The following CFAP54 variants were observed in gnomAD, a reference collection of about 807,000 sequenced individuals.
CFAP54 encodes the protein cilia- and flagella-associated protein 54.
A neutral mutation model predicts 370.4 loss-of-function variants in CFAP54; 290 were observed. The observed-to-expected ratio is 0.78, with a 90% CI of 0.71 to 0.86. CFAP54 has a LOEUF of 0.86. Ranked by LOEUF, CFAP54 falls within the 40% of genes least tolerant of loss-of-function variation. The pLI is 0.00. For missense variants in CFAP54, 3,399 were observed against 3,528.7 expected (o/e 0.96, Z 0.93); for synonymous variants, 1,206 against 1,236.5 (o/e 0.98, Z 0.52).
At chr12:96,668,864 T>C (rs1199812471) in intron 39 of CFAP54, among the ~76,000 whole-genome samples, 1 of 152,246 alleles carries the variant, frequency 6.6e-6, no homozygotes, top group Non-Finnish European at 1.5e-5. Context: ...TATATGCGTA[T>C]AAATGTAAGC....
intron 4 of CFAP54, among the ~76,000 whole-genome samples, chr12:96,510,455 G>C (rs192249980): frequency 1.3e-5 from 2 of 151,968 alleles, no homozygotes; most frequent in Non-Finnish European, 1.5e-5. Flanking sequence ...AAGGTGAAAG[G>C]CACCTTTTTG....
At chr12:96,703,818 C>T (rs543665848) in intron 46 of CFAP54, among the ~76,000 whole-genome samples, 12 of 152,116 alleles carry the variant, frequency 7.9e-5, no homozygotes, top group Non-Finnish European at 1.6e-4. Context: ...GTAAATTGAG[C>T]CAGACTCTTT....
intron 19 of CFAP54, among the ~76,000 whole-genome samples, chr12:96,570,389 C>A (rs1402992359): frequency 1.3e-5 from 2 of 151,764 alleles, no homozygotes; most frequent in African/African-American, 2.4e-5. Context: ...TGTTTTGACT[C>A]CCAGGCTTCA....
intron 63 of CFAP54, among the ~76,000 whole-genome samples, chr12:96,798,878 T>C (rs887032572): frequency 6.6e-6 from 1 of 152,224 alleles, no homozygotes; most frequent in Non-Finnish European, 1.5e-5. Flanking sequence ...ATAGATACTT[T>C]AGCTTTCAAC....
At chr12:96,743,669 C>A in intron 53 of CFAP54, 62 bp from the exon 54 acceptor site, 1 of 1,552,988 alleles carries the variant, frequency 6.4e-7, no homozygotes, top group Non-Finnish European at 8.8e-7. Flanking sequence ...ATTAACATGT[C>A]CAGCTCTTGT....
At chr12:96,839,811 T>C (rs922753837) in intron 66 of CFAP54, among the ~76,000 whole-genome samples, 1 of 152,106 alleles carries the variant, frequency 6.6e-6, no homozygotes, top group African/African-American at 2.4e-5. Flanking sequence ...CCATCAGCTG[T>C]TGGTTGTTGG....
At chr12:96,514,376 ATGAC>A (rs773955058) in intron 5 of CFAP54, among the ~76,000 whole-genome samples, 2 of 152,244 alleles carry the variant, frequency 1.3e-5, no homozygotes, top group East Asian at 3.8e-4. Flanking sequence ...AAAAAACTCT[ATGAC>A]AGACAGTGAC....
intron 63 of CFAP54, among the ~76,000 whole-genome samples, chr12:96,810,026 TAGA>T (rs1322953058): frequency 1.3e-5 from 2 of 152,040 alleles, no homozygotes; most frequent in East Asian, 1.9e-4. Context: ...GAGAGCAAAA[TAGA>T]AGAAGTTCAG....
intron 32 of CFAP54, among the ~76,000 whole-genome samples, chr12:96,637,619 A>C (rs1377941130): frequency 1.3e-5 from 2 of 152,228 alleles, no homozygotes; most frequent in African/African-American, 4.8e-5. Context: ...AGCAAGTCTC[A>C]AGAAATTTCA....
At chr12:96,634,046 C>CTTTTTTTTTTT (rs71437232) in intron 32 of CFAP54, among the ~76,000 whole-genome samples, 609 of 56,896 alleles carry the variant, frequency 0.011, 159 homozygotes, top group Non-Finnish European at 0.017. Context: ...TAGCGAACAT[C>CTTTTTTTTTTT]TTTTTTTTTT....
intron 14 of CFAP54, among the ~76,000 whole-genome samples, chr12:96,547,672 GGTAATTAAAAA>G (rs1955655011): frequency 6.6e-6 from 1 of 151,996 alleles, no homozygotes. Flanking sequence ...TGAGATTATC[GGTAATTAAAAA>G]GTAATTAATT....
chr12:96,574,334 T>C (rs748962507), intron 19 of CFAP54, among the ~76,000 whole-genome samples: 34 of 152,054 alleles, frequency 2.2e-4, no homozygotes, highest in Non-Finnish European at 1.9e-4. Context: ...TAGACAGACA[T>C]ATTGTCTTTT....
At position 96,743,883 on chromosome 12, in the gene CFAP54, T is replaced by G; in HGVS notation, c.7530T>G (p.Thr2510=). The G allele has an allele frequency of 6.2e-7, 1 of 1,613,544 alleles. No individual in the cohort carries two copies. Among genetic ancestry groups the G allele is most frequent in the Non-Finnish European group, 8.5e-7 (1 of 1,179,804 alleles). The change falls in exon 54 of 68, where the codon ACT becomes ACG. Residue 2510 remains threonine, a synonymous_variant. Transcript: ENST00000524981. ...SSKTGKLNLL[T]RAHSILTEQM... The stretch of plus-strand genomic sequence containing the variant: ...AAACAGGAAAATTAAATTTGTTAAC[T>G]CGGGCTCATAGCATTCTAACTGAAC...
At chr12:96,786,934 ACTT>A (rs1476016820) in intron 62 of CFAP54, 36 bp downstream of exon 62, 1 of 1,371,430 alleles carries the variant, frequency 7.3e-7, no homozygotes, top group African/African-American at 1.5e-5. Flanking sequence ...TTTACATAAA[ACTT>A]CTTGGAATCA....
At chr12:96,576,480 C>G in intron 19 of CFAP54, 105 bp from the exon 20 acceptor site, 1 of 892,610 alleles carries the variant, frequency 1.1e-6, no homozygotes, top group Non-Finnish European at 1.6e-6. Context: ...GCTTGAAAAA[C>G]TGCATATAAA....
intron 63 of CFAP54, among the ~76,000 whole-genome samples, chr12:96,799,257 GA>G (rs2136710240): frequency 6.6e-6 from 1 of 152,338 alleles, no homozygotes; most frequent in Non-Finnish European, 1.5e-5. Context: ...GCCTTTCACA[GA>G]GGGACATTCC....
At chr12:96,763,932 G>A (rs1342863414) in intron 58 of CFAP54, among the ~76,000 whole-genome samples, 1 of 152,144 alleles carries the variant, frequency 6.6e-6, no homozygotes, top group Non-Finnish European at 1.5e-5. Flanking sequence ...TACAGGGAAT[G>A]TATATGTGTG....
chr12:96,601,996 T>C (rs768246667), intron 26 of CFAP54, among the ~76,000 whole-genome samples: 4 of 152,226 alleles, frequency 2.6e-5, no homozygotes, highest in African/African-American at 7.2e-5. Flanking sequence ...TGTCTTCTGC[T>C]AGCTTTTGAA....
chr12:96,701,263 T>G (rs1420813140), intron 46 of CFAP54, among the ~76,000 whole-genome samples: 1 of 152,170 alleles, frequency 6.6e-6, no homozygotes, highest in Non-Finnish European at 1.5e-5. Flanking sequence ...TTGACTGTTT[T>G]GCTCATTTTC....
Sources: gnomAD v4.1 joint callset for allele counts (sites outside exome capture counted in the v4.1 genomes callset) on GRCh38, gnomAD v4.1.1 for gene constraint, MANE v1.5 for transcripts, NCBI Gene and HGNC (gene_info 2026-07-23, HGNC 2026-07-21) for gene names.